LINGO2: variants seen among roughly 807,000 people sequenced by gnomAD.
LINGO2 encodes the protein leucine rich repeat and Ig domain containing 2.
LINGO2 carries 14 observed loss-of-function variants against 30.6 expected under a neutral mutation model. That is an observed-to-expected ratio of 0.46 (90% CI 0.30 to 0.72). The LOEUF is 0.72. LINGO2 is among the 30% of genes least tolerant of loss of function. LINGO2 has a pLI of 0.07. For missense variants in LINGO2, 729 were observed against 751.7 expected (o/e 0.97, Z 0.35); for synonymous variants, 317 against 288.5 (o/e 1.10, Z -1.00).
chr9:28,894,262 T>C, the LINGO2 span, among the ~76,000 whole-genome samples: 1 of 152,160 alleles, frequency 6.6e-6, no homozygotes, highest in African/African-American at 2.4e-5. Flanking sequence ...TTTGGGTATA[T>C]ACCCAGTTTG....
the LINGO2 span, among the ~76,000 whole-genome samples, chr9:28,744,341 T>C: frequency 1.3e-5 from 2 of 152,116 alleles, no homozygotes; most frequent in East Asian, 3.9e-4. Context: ...TCTGGAGCCC[T>C]TCAAATGCCA....
intron 2 of LINGO2, among the ~76,000 whole-genome samples, chr9:28,405,906 T>G (rs967413392): frequency 2.0e-5 from 3 of 152,188 alleles, no homozygotes; most frequent in Admixed American, 6.5e-5. Flanking sequence ...CCTCATTCCT[T>G]TATTCATTCA....
At chr9:28,544,236 T>C (rs1821832347) in intron 1 of LINGO2, among the ~76,000 whole-genome samples, 1 of 151,840 alleles carries the variant, frequency 6.6e-6, no homozygotes, top group Non-Finnish European at 1.5e-5. Context: ...CAAAAATAAA[T>C]AATAATTGCT....
intron 1 of LINGO2, among the ~76,000 whole-genome samples, chr9:28,653,760 GCTGAT>G (rs985043145): frequency 2.8e-4 from 42 of 151,936 alleles, no homozygotes; most frequent in African/African-American, 9.9e-4. Flanking sequence ...ATTGTTTTTT[GCTGAT>G]CTTTATTCTG....
At chr9:28,236,114 C>T (rs894055765) in intron 4 of LINGO2, among the ~76,000 whole-genome samples, 2 of 152,098 alleles carry the variant, frequency 1.3e-5, no homozygotes, top group African/African-American at 2.4e-5. Flanking sequence ...CATACAATGG[C>T]ACTCCAGTAC....
chr9:28,462,970 G>A (rs977865792), intron 2 of LINGO2, among the ~76,000 whole-genome samples: 2 of 152,200 alleles, frequency 1.3e-5, no homozygotes, highest in South Asian at 2.1e-4. Context: ...TCTGCAAATC[G>A]TGGGAACTAC....
chr9:28,996,198 T>C, the LINGO2 span, among the ~76,000 whole-genome samples: 27 of 152,046 alleles, frequency 1.8e-4, no homozygotes, highest in African/African-American at 5.5e-4. Flanking sequence ...CTGAATGAGA[T>C]GTAATTTCTA....
intron 4 of LINGO2, among the ~76,000 whole-genome samples, chr9:28,095,564 AT>A (rs2133286458): frequency 6.6e-6 from 1 of 152,060 alleles, no homozygotes; most frequent in Admixed American, 6.6e-5. Flanking sequence ...TTAATTCAAG[AT>A]GGATTAAAGA....
the LINGO2 span, among the ~76,000 whole-genome samples, chr9:29,147,988 A>G: frequency 1.3e-5 from 2 of 152,124 alleles, no homozygotes; most frequent in Non-Finnish European, 2.9e-5. Context: ...ATATTTTACA[A>G]AAATACTTAT....
chr9:28,055,326 G>T (rs1475037061), intron 4 of LINGO2, among the ~76,000 whole-genome samples: 2 of 152,116 alleles, frequency 1.3e-5, no homozygotes, highest in African/African-American at 4.8e-5. Flanking sequence ...TGATAGAACA[G>T]GTACAGGTGG....
chr9:27,951,527 A>G (rs1819310027), intron 5 of LINGO2, among the ~76,000 whole-genome samples: 1 of 152,218 alleles, frequency 6.6e-6, no homozygotes, highest in Non-Finnish European at 1.5e-5. Flanking sequence ...TAAATGAACT[A>G]TCCCTCTTTC....
chr9:28,454,929 C>A (rs942391129), intron 2 of LINGO2, among the ~76,000 whole-genome samples: 2 of 151,936 alleles, frequency 1.3e-5, no homozygotes, highest in African/African-American at 4.8e-5. Flanking sequence ...TAATGTGATA[C>A]ATTTTTGACA....
At chr9:28,553,649 G>T (rs563804516) in intron 1 of LINGO2, among the ~76,000 whole-genome samples, 7 of 151,748 alleles carry the variant, frequency 4.6e-5, no homozygotes, top group African/African-American at 7.3e-5. Context: ...TACAGAGAAC[G>T]CCACAAAGAT....
At chr9:28,710,039 C>T in the LINGO2 span, among the ~76,000 whole-genome samples, 1 of 150,684 alleles carries the variant, frequency 6.6e-6, no homozygotes, top group South Asian at 2.1e-4. Flanking sequence ...ATATACATCT[C>T]GGATGCCATG....
At chr9:28,629,980 A>T (rs978094851) in intron 1 of LINGO2, among the ~76,000 whole-genome samples, 2 of 147,748 alleles carry the variant, frequency 1.4e-5, no homozygotes, top group African/African-American at 2.5e-5. Context: ...TGTCCATGTG[A>T]TCTCATTGTT....
At chr9:28,239,581 A>G (rs1164525152) in intron 4 of LINGO2, among the ~76,000 whole-genome samples, 1 of 152,162 alleles carries the variant, frequency 6.6e-6, no homozygotes, top group Non-Finnish European at 1.5e-5. Flanking sequence ...ATAAAGTTCA[A>G]CACGCCTTCA....
the LINGO2 span, among the ~76,000 whole-genome samples, chr9:28,752,372 T>C: frequency 6.6e-6 from 1 of 152,034 alleles, no homozygotes; most frequent in Non-Finnish European, 1.5e-5. Flanking sequence ...TCTGTAGTTA[T>C]TCATTTAGAA....
At chr9:29,038,109 T>C in the LINGO2 span, among the ~76,000 whole-genome samples, 1 of 151,998 alleles carries the variant, frequency 6.6e-6, no homozygotes, top group Non-Finnish European at 1.5e-5. Context: ...TATGCATGTG[T>C]GCAAGAATTC....
At chr9:28,226,226 T>A (rs1821138235) in intron 4 of LINGO2, among the ~76,000 whole-genome samples, 1 of 151,764 alleles carries the variant, frequency 6.6e-6, no homozygotes, top group Non-Finnish European at 1.5e-5. Flanking sequence ...AGTACGAGAG[T>A]GGTTGTTTCA....
Sources: allele counts gnomAD v4.1 joint callset (sites outside exome capture counted in the v4.1 genomes callset), GRCh38; gene constraint gnomAD v4.1.1; transcripts MANE v1.5; gene names NCBI Gene and HGNC (gene_info 2026-07-23, HGNC 2026-07-21).